Variants in EPHB2 observed in about 807,000 individuals in gnomAD.
EPHB2 encodes EPH receptor B2, also known as ephrin type-B receptor 2.
A neutral mutation model predicts 96.4 loss-of-function variants in EPHB2; 18 were observed. That is an observed-to-expected ratio of 0.19 (90% confidence interval 0.13 to 0.28). EPHB2 has a LOEUF of 0.28. Ranked by LOEUF, EPHB2 falls within the 10% of genes least tolerant of loss-of-function variation. The pLI, the probability that EPHB2 is intolerant of heterozygous loss-of-function variation, is 1.00. For missense variants in EPHB2, 989 were observed against 1,355.4 expected (o/e 0.73, Z 4.25); for synonymous variants, 506 against 534.1 (o/e 0.95, Z 0.72).
chr1:22,781,103 G>T (rs1212280346), intron 1 of EPHB2, among the ~76,000 whole-genome samples: 1 of 151,900 alleles, frequency 6.6e-6, no homozygotes, highest in Non-Finnish European at 1.5e-5. Flanking sequence ...GGCGGATCAC[G>T]AGGTCAGGAG....
intron 7 of EPHB2, among the ~76,000 whole-genome samples, chr1:22,894,547 A>C (rs1639493526): frequency 6.6e-6 from 1 of 151,744 alleles, no homozygotes; most frequent in South Asian, 2.1e-4. Flanking sequence ...CAGTGAGCCG[A>C]GATCGTGCCA....
chr1:22,825,940 C>T (rs1395260724), intron 3 of EPHB2, among the ~76,000 whole-genome samples: 1 of 152,192 alleles, frequency 6.6e-6, no homozygotes, highest in Admixed American at 6.5e-5. Context: ...TGAGTCAGAT[C>T]CCTTGTCCCA....
chr1:22,793,983 T>A (rs1644733267), intron 3 of EPHB2, among the ~76,000 whole-genome samples: 1 of 152,096 alleles, frequency 6.6e-6, no homozygotes, highest in Non-Finnish European at 1.5e-5. Context: ...CTTTTATACC[T>A]GAGGCCCATG....
In EPHB2 at chr1:22,744,424, A is replaced by T. The variant is rs573811849; in HGVS notation, c.61+33381A>T. Among the ~76,000 whole-genome samples the T allele has an allele frequency of 1.6e-3, 236 of 150,270 alleles. 1 individual carries two copies. The highest frequency in any genetic ancestry group is 5.6e-3 in the African/African-American group (230 of 41,100). ...CATAGTCAACTAACACATATTTTGTATGTTGTATATATATATATGTTATAT... is the reference window on the plus strand; with the variant it reads ...CATAGTCAACTAACACATATTTTGTTTGTTGTATATATATATATGTTATAT... On this transcript the variant is annotated intron_variant, in intron 1 of 15. Transcript: ENST00000374630.
intron 1 of EPHB2, among the ~76,000 whole-genome samples, chr1:22,711,958 G>A (rs1643161999): frequency 6.6e-6 from 1 of 152,240 alleles, no homozygotes; most frequent in South Asian, 2.1e-4. Flanking sequence ...TGTCCACCAG[G>A]AATGGCCGAG....
At chr1:22,856,035 C>G (rs1002401741) in intron 3 of EPHB2, among the ~76,000 whole-genome samples, 4 of 152,144 alleles carry the variant, frequency 2.6e-5, no homozygotes, top group African/African-American at 9.7e-5. Context: ...CTACAGAACC[C>G]CAAGGAAGAC....
At chr1:22,815,178 C>T (rs941704265) in intron 3 of EPHB2, among the ~76,000 whole-genome samples, 2 of 152,128 alleles carry the variant, frequency 1.3e-5, no homozygotes, top group Non-Finnish European at 2.9e-5. Flanking sequence ...TCTGGCCCAC[C>T]ACGTGCCTGC....
chr1:22,909,203 C>A, intron 13 of EPHB2, 32 bp downstream of exon 13: 1 of 1,614,072 alleles, frequency 6.2e-7, no homozygotes. Context: ...CAAGGCCTCT[C>A]TGGCCCACCA....
chr1:22,774,370 T>A (rs1644419001), intron 1 of EPHB2, among the ~76,000 whole-genome samples: 1 of 152,086 alleles, frequency 6.6e-6, no homozygotes, highest in Admixed American at 6.5e-5. Flanking sequence ...GTGGAGGAGA[T>A]GTTCATTGAA....
intron 1 of EPHB2, among the ~76,000 whole-genome samples, chr1:22,736,895 G>T (rs927906213): frequency 6.6e-6 from 1 of 152,148 alleles, no homozygotes; most frequent in African/African-American, 2.4e-5. Context: ...AGGGGAGACT[G>T]GGGGAGACCG....
At chr1:22,725,807 G>A (rs368015994) in intron 1 of EPHB2, among the ~76,000 whole-genome samples, 9 of 152,232 alleles carry the variant, frequency 5.9e-5, no homozygotes, top group African/African-American at 1.7e-4. Flanking sequence ...CAGCTGCCCC[G>A]AGCTTCTACT....
intron 1 of EPHB2, among the ~76,000 whole-genome samples, chr1:22,756,753 A>G (rs1049241090): frequency 3.3e-5 from 5 of 152,102 alleles, no homozygotes; most frequent in Non-Finnish European, 1.5e-5. Flanking sequence ...GTTTCTCCTC[A>G]CAGACACCTT....
At chr1:22,816,649 A>G (rs1251977927) in intron 3 of EPHB2, among the ~76,000 whole-genome samples, 4 of 152,112 alleles carry the variant, frequency 2.6e-5, no homozygotes, top group Non-Finnish European at 4.4e-5. Flanking sequence ...TTAGAGTGGC[A>G]CAGTCTACCC....
chr1:22,899,425 C>T (rs540645840), intron 9 of EPHB2, among the ~76,000 whole-genome samples: 107 of 151,654 alleles, frequency 7.1e-4, no homozygotes, highest in African/African-American at 2.4e-3. Flanking sequence ...CCCTTGAACC[C>T]GGGAGGTGAA....
chr1:22,747,434 A>G (rs560142346), intron 1 of EPHB2, among the ~76,000 whole-genome samples: 1 of 152,374 alleles, frequency 6.6e-6, no homozygotes, highest in South Asian at 2.1e-4. Context: ...ATGCCAGACC[A>G]ACTAGGCTGT....
At chr1:22,736,136 G>A (rs1361741233) in intron 1 of EPHB2, among the ~76,000 whole-genome samples, 4 of 152,312 alleles carry the variant, frequency 2.6e-5, no homozygotes, top group Middle Eastern at 3.4e-3. Context: ...AGTGGTCATC[G>A]TTGTTGCTGT....
chr1:22,801,700 C>T (rs1463353682), intron 3 of EPHB2, among the ~76,000 whole-genome samples: 1 of 152,234 alleles, frequency 6.6e-6, no homozygotes, highest in Non-Finnish European at 1.5e-5. Context: ...AATAGGCCCT[C>T]AGCCTCTGTC....
At chr1:22,870,953 T>C (rs1043906501) in intron 5 of EPHB2, among the ~76,000 whole-genome samples, 4 of 152,202 alleles carry the variant, frequency 2.6e-5, no homozygotes, top group Non-Finnish European at 5.9e-5. Flanking sequence ...CTATGCAAGG[T>C]GCCTCCCAGG....
intron 6 of EPHB2, among the ~76,000 whole-genome samples, chr1:22,892,415 G>T (rs896549548): frequency 2.0e-5 from 3 of 152,146 alleles, no homozygotes. Context: ...CCAACAAGTG[G>T]CTATTTTTCT....
Sources: gnomAD v4.1 joint callset for allele counts (sites outside exome capture counted in the v4.1 genomes callset) on GRCh38, gnomAD v4.1.1 for gene constraint, MANE v1.5 for transcripts, NCBI Gene and HGNC (gene_info 2026-07-23, HGNC 2026-07-21) for gene names.